The following CSMD1 variants were observed in gnomAD, a reference collection of about 807,000 sequenced individuals.
CSMD1 encodes the protein CUB and sushi domain-containing protein 1.
In CSMD1, 213 loss-of-function variants were observed where a neutral mutation model predicts 417.5. The observed-to-expected ratio is 0.51, with a 90% confidence interval of 0.46 to 0.57. CSMD1 has a LOEUF of 0.57. Ranked by LOEUF, CSMD1 falls within the 20% of genes least tolerant of loss-of-function variation. CSMD1 has a pLI of 0.00. For synonymous variants in CSMD1, 2,862 were observed against 1,736.8 expected, an observed-to-expected ratio of 1.65 and a Z score of -16.11; for missense variants, 6,923 against 4,529.7, an observed-to-expected ratio of 1.53 and a Z score of -15.17.
At chr8:3,247,107 G>T (rs1186517814) in intron 26 of CSMD1, among the ~76,000 whole-genome samples, 1 of 152,170 alleles carries the variant, frequency 6.6e-6, no homozygotes, top group Admixed American at 6.5e-5. Context: ...AAGCTGCCTG[G>T]GTGAGGTGTC....
chr8:4,306,398 A>G (rs1398721914), intron 3 of CSMD1, among the ~76,000 whole-genome samples: 1 of 63,920 alleles, frequency 1.6e-5, no homozygotes, highest in Non-Finnish European at 3.1e-5. Flanking sequence ...TAAAAAACCT[A>G]CAGAACAAAA....
intron 1 of CSMD1, among the ~76,000 whole-genome samples, chr8:4,863,986 A>G (rs1802284967): frequency 6.6e-6 from 1 of 152,026 alleles, no homozygotes; most frequent in Non-Finnish European, 1.5e-5. Context: ...TTCATATTTT[A>G]TTCAGTACAT....
chr8:3,984,169 A>C (rs890753486), intron 5 of CSMD1, among the ~76,000 whole-genome samples: 9 of 57,498 alleles, frequency 1.6e-4, no homozygotes, highest in Non-Finnish European at 3.3e-4. Flanking sequence ...ACATCGCAGA[A>C]AATTCAGGTC....
chr8:3,716,517 G>T (rs114453210), intron 6 of CSMD1, among the ~76,000 whole-genome samples: 30 of 152,322 alleles, frequency 2.0e-4, no homozygotes, highest in African/African-American at 6.7e-4. Flanking sequence ...TGGTGCTGAT[G>T]TGAGTGCAGC....
intron 2 of CSMD1, among the ~76,000 whole-genome samples, chr8:4,529,443 G>T (rs532113906): frequency 1.3e-5 from 2 of 152,024 alleles, no homozygotes; most frequent in Admixed American, 1.3e-4. Context: ...TTAAAAATAT[G>T]TTATTTCTTA....
chr8:4,990,597 G>C (rs549862046), intron 1 of CSMD1, among the ~76,000 whole-genome samples: 1 of 152,258 alleles, frequency 6.6e-6, no homozygotes, highest in Admixed American at 6.5e-5. Flanking sequence ...GACCTTTGAT[G>C]ATCCACCCAC....
intron 5 of CSMD1, among the ~76,000 whole-genome samples, chr8:3,986,107 A>G (rs1814301794): frequency 1.3e-5 from 2 of 152,078 alleles, no homozygotes; most frequent in African/African-American, 4.8e-5. Flanking sequence ...TCTGGGAGCT[A>G]CAAGTTCAGA....
intron 10 of CSMD1, among the ~76,000 whole-genome samples, chr8:3,501,844 A>G (rs1585262255): frequency 6.6e-6 from 1 of 152,220 alleles, no homozygotes; most frequent in East Asian, 1.9e-4. Context: ...GTAAGGGCCA[A>G]TCATAAAACA....
At chr8:3,684,193 T>C (rs1421493047) in intron 7 of CSMD1, among the ~76,000 whole-genome samples, 3 of 52,706 alleles carry the variant, frequency 5.7e-5, no homozygotes, top group Non-Finnish European at 1.0e-4. Context: ...ATGTAATATA[T>C]ATAACATGTA....
chr8:3,682,479 C>A (rs145730013), intron 7 of CSMD1, among the ~76,000 whole-genome samples: 21,699 of 152,088 alleles, frequency 0.14, 1,743 homozygotes, highest in South Asian at 0.21. Context: ...ATGCAAATCA[C>A]AACCACAATG....
At position 3,708,454 on chromosome 8, in the gene CSMD1, C is replaced by T. The variant is rs1469084861; in HGVS notation, c.969G>A (p.Lys323=). 2 of 1,613,824 alleles carry T rather than the reference C, an allele frequency of 1.2e-6. No homozygotes were observed. Among genetic ancestry groups the T allele is most frequent in the Non-Finnish European group, 1.7e-6 (2 of 1,179,898 alleles). ...GGCTTCCATCCTTGCTGGGCAGCATCTTGACTCCTCTTGACTTCAACTCAA... is the reference window on the plus strand; with the variant it reads ...GGCTTCCATCCTTGCTGGGCAGCATTTTGACTCCTCTTGACTTCAACTCAA... ...KAIELKSRGV[K]MLPSKDGSHK... The change falls in exon 7 of 70, where the codon AAG becomes AAA. Residue 323 remains lysine (K), a synonymous_variant. Transcript: ENST00000635120.
chr8:4,797,587 T>G (rs1323403768), intron 1 of CSMD1, among the ~76,000 whole-genome samples: 1 of 152,122 alleles, frequency 6.6e-6, no homozygotes, highest in African/African-American at 2.4e-5. Flanking sequence ...ACGAAATTAT[T>G]CCAGGGTATG....
At chr8:3,294,863 T>G (rs897043733) in intron 25 of CSMD1, among the ~76,000 whole-genome samples, 2 of 152,160 alleles carry the variant, frequency 1.3e-5, no homozygotes, top group South Asian at 2.1e-4. Context: ...CCCAGTGAGA[T>G]GTACCCGGTA....
chr8:4,471,364 G>A (rs1237250172), intron 2 of CSMD1, among the ~76,000 whole-genome samples: 4 of 152,196 alleles, frequency 2.6e-5, no homozygotes, highest in East Asian at 1.9e-4. Flanking sequence ...GAAGACATTG[G>A]GTTAGACTAT....
chr8:3,074,063 C>T (rs1021902097), intron 49 of CSMD1, among the ~76,000 whole-genome samples: 4 of 152,338 alleles, frequency 2.6e-5, no homozygotes, highest in Non-Finnish European at 4.4e-5. Flanking sequence ...CCTGGAGGCG[C>T]GGGAAGAATC....
chr8:3,829,803 C>T (rs990096380), intron 5 of CSMD1, among the ~76,000 whole-genome samples: 1 of 152,110 alleles, frequency 6.6e-6, no homozygotes, highest in Admixed American at 6.6e-5. Flanking sequence ...TTTTCCAACA[C>T]TTCTTTGGCC....
At position 3,223,745 on chromosome 8, in the gene CSMD1, C is replaced by A. The variant is rs551222035; in HGVS notation, c.4468G>T (p.Ala1490Ser). The change falls in exon 28 of 70, where the codon GCC becomes TCC. Residue 1490 changes from alanine to serine, a missense_variant. Ala to Ser is a moderately conservative substitution (Grantham distance 99). Transcript: ENST00000635120. ...AGACGGTACCTTTTGAATATCAAGG[C>A]GATGACAAAGTCCGGGTTCACTTTT... ...RVKVNPDFVI[A>S]LIFKSFNMEP... is the part of the protein sequence containing the mutation. The A allele has an allele frequency of 2.0e-4, 324 of 1,613,758 alleles. 11 individuals carry two copies. The South Asian group carries it at 3.5e-3, about 17-fold the overall frequency.
intron 12 of CSMD1, among the ~76,000 whole-genome samples, chr8:3,433,417 T>A (rs1211880573): frequency 1.3e-5 from 2 of 152,228 alleles, no homozygotes; most frequent in Non-Finnish European, 2.9e-5. Context: ...TTTCTTAATA[T>A]CCCCTTTGCT....
chr8:4,909,522 G>A (rs372568259), intron 1 of CSMD1, among the ~76,000 whole-genome samples: 1 of 152,244 alleles, frequency 6.6e-6, no homozygotes, highest in East Asian at 1.9e-4. Context: ...CCTTCCTGAT[G>A]TAGAAGGATC....
Sources: allele counts gnomAD v4.1 joint callset (sites outside exome capture counted in the v4.1 genomes callset), GRCh38; gene constraint gnomAD v4.1.1; transcripts MANE v1.5; gene names NCBI Gene and HGNC (gene_info 2026-07-23, HGNC 2026-07-21).